The following ROBO1 variants were observed in gnomAD, a reference collection of about 807,000 sequenced individuals.
ROBO1 encodes the protein roundabout homolog 1.
In ROBO1, 149 loss-of-function variants were observed where a neutral mutation model predicts 195.9. That is an observed-to-expected ratio of 0.76 (90% confidence interval 0.67 to 0.87). The LOEUF (loss-of-function observed/expected upper bound fraction) is 0.87, where lower values mean the gene tolerates loss of function less well. Among genes scored for constraint, ROBO1 ranks in the 40% least tolerant of loss-of-function variants. The pLI, the probability that ROBO1 is intolerant of heterozygous loss-of-function variation, is 0.00. For synonymous variants in ROBO1, 816 were observed against 733.2 expected (o/e 1.11, Z -1.82); for missense variants, 1,933 against 2,068.3 (o/e 0.93, Z 1.27).
rs529364327 is a variant in ROBO1 at position 79,536,885 on chromosome 3, T to C, written c.88+52939A>G. The stretch of plus-strand genomic sequence containing the variant: ...CTTAAAGTCTGTGTCACTTTTTTCT[T>C]CCAATGTGTAGTAAAGAAGACTATT... On this transcript the variant is annotated intron_variant, in intron 2 of 30. Transcript: ENST00000464233. 5.9e-5 allele frequency among the ~76,000 whole-genome samples: 9 copies of C among 152,310 alleles called. No homozygotes were observed. The East Asian group carries it at 1.7e-3, about 29-fold the overall frequency.
rs56715450 is a variant in ROBO1 at position 78,608,020 on chromosome 3, T to TACACACAC, written c.4436-987_4436-980dup. 1.6e-3 allele frequency among the ~76,000 whole-genome samples: 234 copies of TACACACAC among 149,860 alleles called. 2 individuals carry two copies. The highest frequency in any genetic ancestry group is 5.3e-3 in the East Asian group (27 of 5,102). On this transcript the variant is annotated intron_variant, in intron 28 of 30. Coordinates refer to ENST00000464233, the MANE Select transcript of ROBO1 (RefSeq NM_002941.4). ...GGTATAAATATATGTTAATTTCATTTACACACACACACACACACACACACA... is the reference window on the plus strand; with the variant it reads ...GGTATAAATATATGTTAATTTCATTTACACACACACACACACACACACACACACACACA...
At chr3:79,479,487 G>A (rs1019974114) in intron 2 of ROBO1, among the ~76,000 whole-genome samples, 1 of 152,076 alleles carries the variant, frequency 6.6e-6, no homozygotes, top group Non-Finnish European at 1.5e-5. Context: ...AACAGGCCAC[G>A]GACCTGTACT....
chr3:79,147,888 G>T (rs1576737429), intron 2 of ROBO1, among the ~76,000 whole-genome samples: 1 of 151,906 alleles, frequency 6.6e-6, no homozygotes, highest in Non-Finnish European at 1.5e-5. Context: ...TTAATTCTCA[G>T]ATTTTTTTGT....
At chr3:79,013,196 G>GAGGA (rs1254168150) in intron 3 of ROBO1, among the ~76,000 whole-genome samples, 2 of 152,108 alleles carry the variant, frequency 1.3e-5, no homozygotes, top group Non-Finnish European at 2.9e-5. Context: ...GCTCTTCAGT[G>GAGGA]AGGAGTACCA....
intron 1 of ROBO1, among the ~76,000 whole-genome samples, chr3:79,723,916 C>T (rs1250632766): frequency 2.6e-5 from 4 of 152,176 alleles, no homozygotes; most frequent in Non-Finnish European, 5.9e-5. Context: ...GACAGAAGTA[C>T]AGAAATAAAG....
rs1028014639 is a variant in ROBO1 at position 79,180,203 on chromosome 3, A to G, written c.89-54664T>C. Among the ~76,000 whole-genome samples, 41 of 152,168 alleles carry G rather than the reference A, an allele frequency of 2.7e-4. 1 individual carries two copies. ...TTAGCACAGCATACAAGGTCGTTGT[A>G]TCTGGCCATAGTCTACTCCTCATTC... is the stretch of plus-strand genomic sequence containing the variant. On this transcript the variant is annotated intron_variant, in intron 2 of 30. Coordinates refer to ENST00000464233, the MANE Select transcript of ROBO1 (RefSeq NM_002941.4).
In ROBO1 at chr3:78,617,985, T is replaced by G. The variant is rs144314391; in HGVS notation, c.3932A>C (p.Tyr1311Ser). ...GACCAGGGGTCCTGAAATGTAGCCA[T>G]AGGTATGTGGAGGGGAGATCGGCCG... ...PPRPISPPHT[Y>S]GYISGPLVSD... Residue 1311 changes from tyrosine to serine, a missense_variant, in exon 27 of 31, where the codon TAT (tyrosine) becomes TCT (serine). Transcript: ENST00000464233. 1 of 1,613,886 alleles carries G rather than the reference T, an allele frequency of 6.2e-7. No individual in the cohort carries two copies.
At chr3:78,864,610 T>C (rs2107049967) in intron 4 of ROBO1, among the ~76,000 whole-genome samples, 1 of 152,224 alleles carries the variant, frequency 6.6e-6, no homozygotes, top group South Asian at 2.1e-4. Flanking sequence ...TAAATACATG[T>C]ATTTTGAATT....
chr3:78,859,013 T>A (rs1041830538), intron 4 of ROBO1, among the ~76,000 whole-genome samples: 2 of 152,088 alleles, frequency 1.3e-5, no homozygotes, highest in Non-Finnish European at 2.9e-5. Flanking sequence ...CGTGCGTAAA[T>A]CACTCATTAA....
intron 10 of ROBO1, among the ~76,000 whole-genome samples, chr3:78,675,343 G>C (rs534532437): frequency 3.3e-5 from 5 of 152,010 alleles, no homozygotes; most frequent in South Asian, 2.1e-4. Flanking sequence ...CACACAGTTC[G>C]CGAGCCGAAG....
At chr3:79,737,275 G>T (rs961444787) in intron 1 of ROBO1, among the ~76,000 whole-genome samples, 2 of 152,112 alleles carry the variant, frequency 1.3e-5, no homozygotes, top group African/African-American at 2.4e-5. Flanking sequence ...TACATAATAA[G>T]CAGGACAAAG....
chr3:79,752,639 G>A (rs963802150), intron 1 of ROBO1, among the ~76,000 whole-genome samples: 7 of 152,032 alleles, frequency 4.6e-5, no homozygotes, highest in African/African-American at 1.7e-4. Context: ...TTTATTGAAA[G>A]AGCAGCACAG....
chr3:79,631,547 G>A (rs1413329666), intron 1 of ROBO1, among the ~76,000 whole-genome samples: 1 of 151,820 alleles, frequency 6.6e-6, no homozygotes, highest in African/African-American at 2.4e-5. Flanking sequence ...AAGAAACCCT[G>A]GAAAAAACTC....
At chr3:79,389,242 T>C (rs535392199) in intron 2 of ROBO1, among the ~76,000 whole-genome samples, 15 of 152,074 alleles carry the variant, frequency 9.9e-5, no homozygotes, top group Non-Finnish European at 7.4e-5. Flanking sequence ...AAATGAATAA[T>C]ATAACTATAA....
chr3:78,837,457 C>T (rs761534605), intron 4 of ROBO1, among the ~76,000 whole-genome samples: 13 of 151,976 alleles, frequency 8.6e-5, no homozygotes, highest in Non-Finnish European at 1.2e-4. Flanking sequence ...ATAGGTATTT[C>T]TATCTAGTAA....
At chr3:79,448,379 T>C (rs1575839120) in intron 2 of ROBO1, among the ~76,000 whole-genome samples, 1 of 152,212 alleles carries the variant, frequency 6.6e-6, no homozygotes, top group East Asian at 1.9e-4. Context: ...CTTTACACTA[T>C]TCTTAAATGT....
At chr3:79,517,721 A>G (rs1941012063) in intron 2 of ROBO1, among the ~76,000 whole-genome samples, 1 of 152,200 alleles carries the variant, frequency 6.6e-6, no homozygotes, top group South Asian at 2.1e-4. Context: ...GTATGGCCCA[A>G]GGTAGCTAAT....
At chr3:79,229,920 G>C (rs574898974) in intron 2 of ROBO1, among the ~76,000 whole-genome samples, 2 of 151,514 alleles carry the variant, frequency 1.3e-5, no homozygotes, top group South Asian at 4.3e-4. Context: ...ATTTCAAAAA[G>C]TATACCTTTG....
At chr3:79,293,303 T>C (rs1394586161) in intron 2 of ROBO1, among the ~76,000 whole-genome samples, 1 of 151,982 alleles carries the variant, frequency 6.6e-6, no homozygotes, top group East Asian at 1.9e-4. Flanking sequence ...GTGGTCTATA[T>C]ATTTCATTAA....
Sources: gnomAD v4.1 joint callset for allele counts (sites outside exome capture counted in the v4.1 genomes callset) on GRCh38, gnomAD v4.1.1 for gene constraint, MANE v1.5 for transcripts, NCBI Gene and HGNC (gene_info 2026-07-23, HGNC 2026-07-21) for gene names.